The following ARHGAP10 variants were observed in gnomAD, a reference collection of about 807,000 sequenced individuals.
ARHGAP10 encodes the protein rho GTPase-activating protein 10.
ARHGAP10 carries 87 observed loss-of-function variants against 108.6 expected under a neutral mutation model. The ratio of observed to expected loss-of-function variants is 0.80; its 90% CI spans 0.67 to 0.96. ARHGAP10 has a LOEUF of 0.96. Among genes scored for constraint, ARHGAP10 ranks in the 40% least tolerant of loss-of-function variants. ARHGAP10 has a pLI of 0.00. For synonymous variants in ARHGAP10, 347 were observed against 341.1 expected, an observed-to-expected ratio of 1.02 and a Z score of -0.19; for missense variants, 939 against 954.5, an observed-to-expected ratio of 0.98 and a Z score of 0.21.
At chr4:147,964,300 C>T (rs1235219608) in intron 16 of ARHGAP10, among the ~76,000 whole-genome samples, 10 of 152,176 alleles carry the variant, frequency 6.6e-5, no homozygotes, top group East Asian at 5.8e-4. Context: ...TTAAACCAGC[C>T]GGTCCTCAAC....
intron 14 of ARHGAP10, among the ~76,000 whole-genome samples, chr4:147,942,973 T>C (rs1440335510): frequency 2.0e-5 from 3 of 152,244 alleles, no homozygotes; most frequent in Admixed American, 1.3e-4. Context: ...GAAGTTGTTA[T>C]TGTTTTTGTA....
intron 6 of ARHGAP10, 105 bp downstream of exon 6, chr4:147,865,061 A>G (rs1734497844): frequency 3.1e-6 from 3 of 956,098 alleles, no homozygotes; most frequent in African/African-American, 1.7e-5. Context: ...GCCATAGTGC[A>G]TAAACATGAA....
Position 148,064,417 on chromosome 4 carries a change from A to G in ARHGAP10, c.2182A>G (p.Ile728Val), listed in dbSNP as rs1203810988. 3.1e-6 allele frequency: 5 copies of G among 1,613,188 alleles called. No homozygotes were observed. The highest frequency in any genetic ancestry group is 4.2e-6 in the Non-Finnish European group (5 of 1,179,742). ...ATVADKPPES[I>V]RSRKARAVYP... is the part of the protein sequence containing the mutation. ...CTTTTGTATTCTCTTTCTTTTCAGC[A>G]TCCGCAGTCGGAAGGCTCGAGCCGT... Residue 728 changes from isoleucine (I) to valine (V), a missense_variant and splice_region_variant, in exon 22 of 23, where the codon ATC becomes GTC. Ile to Val is a conservative substitution (Grantham distance 29). Coordinates refer to ENST00000336498, the MANE Select transcript of ARHGAP10 (RefSeq NM_024605.4).
At chr4:147,745,400 G>A (rs1304326085) in intron 1 of ARHGAP10, 1 of 152,702 alleles carries the variant, frequency 6.5e-6, no homozygotes, top group African/African-American at 2.4e-5. Context: ...ATGTGTTCAG[G>A]GTGGTGTGGC....
intron 13 of ARHGAP10, among the ~76,000 whole-genome samples, chr4:147,925,298 G>T (rs1172858904): frequency 6.6e-6 from 1 of 152,164 alleles, no homozygotes; most frequent in East Asian, 1.9e-4. Context: ...CTGCTCTGAG[G>T]TGGAGAGGCA....
intron 22 of ARHGAP10, among the ~76,000 whole-genome samples, chr4:148,067,062 G>C (rs1015618446): frequency 5.3e-5 from 8 of 152,138 alleles, no homozygotes; most frequent in Non-Finnish European, 8.8e-5. Context: ...CCTAAGGCTG[G>C]CTACTTGGAA....
At chr4:147,877,404 C>A (rs1264889444) in intron 8 of ARHGAP10, among the ~76,000 whole-genome samples, 1 of 152,094 alleles carries the variant, frequency 6.6e-6, no homozygotes, top group Non-Finnish European at 1.5e-5. Flanking sequence ...TCATCTATTA[C>A]CCCTGTCCCA....
At chr4:148,038,302 G>T (rs1328022919) in intron 19 of ARHGAP10, among the ~76,000 whole-genome samples, 2 of 152,164 alleles carry the variant, frequency 1.3e-5, no homozygotes, top group Non-Finnish European at 1.5e-5. Context: ...CATAGTATTT[G>T]CCATGTGGTA....
At chr4:147,830,755 C>T (rs1335369287) in intron 3 of ARHGAP10, among the ~76,000 whole-genome samples, 3 of 152,048 alleles carry the variant, frequency 2.0e-5, no homozygotes, top group Admixed American at 1.3e-4. Flanking sequence ...CGTGATCTCA[C>T]GTGATCTGTG....
chr4:148,031,215 T>A (rs919806993), intron 19 of ARHGAP10, among the ~76,000 whole-genome samples: 1 of 152,244 alleles, frequency 6.6e-6, no homozygotes, highest in African/African-American at 2.4e-5. Flanking sequence ...CTGTTTATTA[T>A]CTTGGCTATT....
intron 1 of ARHGAP10, among the ~76,000 whole-genome samples, chr4:147,739,441 A>G (rs1042078669): frequency 6.6e-6 from 1 of 152,230 alleles, no homozygotes; most frequent in South Asian, 2.1e-4. Flanking sequence ...ACATGACAAT[A>G]TAAGTGACTG....
intron 7 of ARHGAP10, among the ~76,000 whole-genome samples, chr4:147,873,402 C>A (rs1734919103): frequency 6.6e-6 from 1 of 151,858 alleles, no homozygotes; most frequent in African/African-American, 2.4e-5. Flanking sequence ...ACATGTATGG[C>A]ATGCACATAT....
chr4:148,018,333 C>T (rs563080236), intron 18 of ARHGAP10, among the ~76,000 whole-genome samples: 4 of 152,206 alleles, frequency 2.6e-5, no homozygotes, highest in African/African-American at 9.6e-5. Flanking sequence ...TGCATCCAGG[C>T]AGTAGTTCCA....
intron 1 of ARHGAP10, among the ~76,000 whole-genome samples, chr4:147,791,570 T>A (rs1270002090): frequency 1.4e-5 from 2 of 148,052 alleles, no homozygotes; most frequent in African/African-American, 5.3e-5. Context: ...ATATATATAT[T>A]TTGTTTGTTT....
chr4:147,810,859 C>T lies in ARHGAP10; in HGVS notation c.155-11868C>T, dbSNP rs144861100. Among the ~76,000 whole-genome samples the T allele has an allele frequency of 1.9e-3, 296 of 152,300 alleles. 1 individual carries two copies. Among genetic ancestry groups the T allele is most frequent in the Non-Finnish European group, 3.1e-3 (213 of 68,028 alleles). Reference sequence around the variant, plus strand: ...GACAGGGTCTGTCACTTCATTAACTCAACAAATACTAATTGAGCATCTACT... The same window carrying T: ...GACAGGGTCTGTCACTTCATTAACTTAACAAATACTAATTGAGCATCTACT... On this transcript the variant is annotated intron_variant, in intron 1 of 22. Coordinates refer to ENST00000336498, the MANE Select transcript of ARHGAP10 (RefSeq NM_024605.4).
At chr4:148,067,279 CA>C (rs1182385705) in intron 22 of ARHGAP10, among the ~76,000 whole-genome samples, 1 of 152,232 alleles carries the variant, frequency 6.6e-6, no homozygotes, top group Non-Finnish European at 1.5e-5. Context: ...AGCCCTTAAG[CA>C]GGGTTTATCT....
In ARHGAP10 at chr4:147,901,805, G is replaced by A. The variant is rs181559005; in HGVS notation, c.1035-4833G>A. Among the ~76,000 whole-genome samples, 49 of 152,226 alleles carry A rather than the reference G, an allele frequency of 3.2e-4. 1 individual carries two copies. The highest frequency in any genetic ancestry group is 1.6e-3 in the Admixed American group (25 of 15,296). On this transcript the variant is annotated intron_variant, in intron 10 of 22. Transcript: ENST00000336498. Reference sequence around the variant, plus strand: ...TAGAATCAGTCATTCTTCCTGTCCAGCATCTGTATTTGCTGCTCTATGTGT... The same window carrying A: ...TAGAATCAGTCATTCTTCCTGTCCAACATCTGTATTTGCTGCTCTATGTGT...
chr4:148,003,207 C>T (rs1740801072), intron 18 of ARHGAP10, among the ~76,000 whole-genome samples: 1 of 152,162 alleles, frequency 6.6e-6, no homozygotes, highest in African/African-American at 2.4e-5. Flanking sequence ...TGTTCAGTTT[C>T]CATGTAGTTG....
intron 7 of ARHGAP10, among the ~76,000 whole-genome samples, chr4:147,870,952 G>A (rs1734793325): frequency 1.3e-5 from 2 of 151,246 alleles, no homozygotes; most frequent in African/African-American, 4.9e-5. Context: ...GTGTGTGTGT[G>A]TGTGTGTGTG....
Sources: allele counts gnomAD v4.1 joint callset (sites outside exome capture counted in the v4.1 genomes callset), GRCh38; gene constraint gnomAD v4.1.1; transcripts MANE v1.5; gene names NCBI Gene and HGNC (gene_info 2026-07-23, HGNC 2026-07-21).